The following RITA1 variants were observed in gnomAD, a reference collection of about 807,000 sequenced individuals.
The protein encoded by RITA1 is RBPJ-interacting and tubulin-associated protein 1.
RITA1 carries 15 observed loss-of-function variants against 8.7 expected under a neutral mutation model. The ratio of observed to expected loss-of-function variants is 1.72; its 90% CI spans 1.15 to 2.65. RITA1 has a LOEUF of 2.65. RITA1 is among the 30% of genes most tolerant of loss of function. The pLI, the probability that RITA1 is intolerant of heterozygous loss-of-function variation, is 0.00. For missense variants in RITA1, 330 were observed against 363.8 expected, an observed-to-expected ratio of 0.91 and a Z score of 0.76; for synonymous variants, 145 against 156.2, an observed-to-expected ratio of 0.93 and a Z score of 0.53.
Position 113,185,742 on chromosome 12 carries a change from G to GT in RITA1, c.-474dup. The stretch of plus-strand genomic sequence containing the variant: ...CCGCAGTGCTGCTGGCTGCTCCCTG[G>GT]TTGCTGGGTGCAAAGTGCTGGGTTC... On this transcript the variant is annotated 5_prime_UTR_variant, in exon 1 of 4. Coordinates refer to ENST00000548278, the MANE Select transcript of RITA1 (RefSeq NM_032848.3). 1.7e-6 allele frequency: 1 copy of GT among 574,852 alleles called. No individual in the cohort carries two copies. The highest frequency in any genetic ancestry group is 2.3e-5 in the South Asian group (1 of 42,554). 35.6% of individuals were successfully genotyped at this position (574,852 alleles called of 1,614,324 possible).
intron 3 of RITA1, among the ~76,000 whole-genome samples, chr12:113,190,509 T>C (rs900372885): frequency 6.6e-6 from 1 of 151,890 alleles, no homozygotes; most frequent in Non-Finnish European, 1.5e-5. Context: ...TTAGCTGGGC[T>C]TGGTGGCACT....
intron 3 of RITA1, among the ~76,000 whole-genome samples, chr12:113,188,527 C>T (rs550650000): frequency 1.3e-5 from 2 of 152,126 alleles, no homozygotes; most frequent in South Asian, 4.2e-4. Flanking sequence ...TTTATTTTGT[C>T]ACAGTCTGGA....
At chr12:113,187,767 A>AG (rs1952554846) in intron 3 of RITA1, among the ~76,000 whole-genome samples, 1 of 151,792 alleles carries the variant, frequency 6.6e-6, no homozygotes, top group South Asian at 2.1e-4. Context: ...CAAAAAAAAA[A>AG]AAAAAAAAAA....
At chr12:113,189,211 C>T (rs1245415404) in intron 3 of RITA1, among the ~76,000 whole-genome samples, 1 of 152,026 alleles carries the variant, frequency 6.6e-6, no homozygotes, top group East Asian at 1.9e-4. Flanking sequence ...CAATTCAGTC[C>T]ATAAGAACTG....
rs1952531614 is a variant in RITA1, at chr12:113,185,981, G to A, written c.-237G>A. On this transcript the variant is annotated 5_prime_UTR_variant, in exon 1 of 4. Coordinates refer to ENST00000548278, the MANE Select transcript of RITA1 (RefSeq NM_032848.3). ...CTGGTGGGAAGAAGGTGCGGGGACG[G>A]GTCCCTGAGGATCCCGATGCCTACG... The A allele has an allele frequency of 2.0e-6, 3 of 1,535,832 alleles. No homozygotes were observed. Among genetic ancestry groups the A allele is most frequent in the South Asian group, 1.2e-5 (1 of 84,056 alleles).
At position 113,186,677 on chromosome 12, in the gene RITA1, T is replaced by C; in HGVS notation, c.-64-6T>C. Reference sequence around the variant, plus strand: ...TCAGGGGTGCTACTCTGACCTCCTCTCACAGGGAGCCTCGGAAGCAGGGCC... The same window carrying C: ...TCAGGGGTGCTACTCTGACCTCCTCCCACAGGGAGCCTCGGAAGCAGGGCC... On this transcript the variant is annotated splice_polypyrimidine_tract_variant and splice_region_variant and intron_variant, in intron 2 of 3. Coordinates refer to ENST00000548278, the MANE Select transcript of RITA1 (RefSeq NM_032848.3). 1 of 1,582,490 alleles carries C rather than the reference T, an allele frequency of 6.3e-7. No homozygotes were observed. Among genetic ancestry groups the C allele is most frequent in the Non-Finnish European group, 8.6e-7 (1 of 1,160,350 alleles).
In RITA1 at chr12:113,185,876, C is replaced by T; in HGVS notation, c.-342C>T. The T allele has an allele frequency of 7.7e-7, 1 of 1,297,614 alleles. No homozygotes were observed. Among genetic ancestry groups the T allele is most frequent in the Non-Finnish European group, 1.0e-6 (1 of 953,150 alleles). The allele number at this position is 1,297,614 out of a possible 1,614,324, so 80.4% of individuals were successfully genotyped here. Reference sequence around the variant, plus strand: ...GGCCTAGGCTGCCGGGGGTCCGGGGCCCCAGGCATTCCGGGCTGCAGATTG... The same window carrying T: ...GGCCTAGGCTGCCGGGGGTCCGGGGTCCCAGGCATTCCGGGCTGCAGATTG... On this transcript the variant is annotated 5_prime_UTR_variant, in exon 1 of 4. Coordinates refer to ENST00000548278, the MANE Select transcript of RITA1 (RefSeq NM_032848.3).
rs1208697312 is a variant in RITA1 at position 113,188,916 on chromosome 12, TCTC to T, written c.302+1871_302+1873del. Among the ~76,000 whole-genome samples, 5 of 143,936 alleles carry T rather than the reference TCTC, an allele frequency of 3.5e-5. No individual in the cohort carries two copies. In the East Asian group the frequency reaches 6.8e-4, roughly 20 times the overall value. 94.4% of individuals were successfully genotyped at this position (143,936 alleles called of 152,430 possible). The stretch of plus-strand genomic sequence containing the variant: ...GCCTCCACCTCCGGGTTCAAGGAAT[TCTC>T]CTGCCTCAGCCTCCCGAGTAGCTGG... On this transcript the variant is annotated intron_variant, in intron 3 of 3. Coordinates refer to ENST00000548278, the MANE Select transcript of RITA1 (RefSeq NM_032848.3).
Position 113,186,336 on chromosome 12 carries a change from T to C in RITA1, c.-65+20T>C. 5 of 1,378,982 alleles carry C rather than the reference T, an allele frequency of 3.6e-6. No individual in the cohort carries two copies. Among genetic ancestry groups the C allele is most frequent in the Non-Finnish European group, 4.7e-6 (5 of 1,067,676 alleles). The allele number at this position is 1,378,982 out of a possible 1,614,324, so 85.4% of individuals were successfully genotyped here. ...CAGGAGGTAGGCATGGGATCCACGCTGGCTGTCATTGCCCCCACCCCCATC... is the reference window on the plus strand; with the variant it reads ...CAGGAGGTAGGCATGGGATCCACGCCGGCTGTCATTGCCCCCACCCCCATC... On this transcript the variant is annotated intron_variant, in intron 2 of 3. Transcript: ENST00000548278.
chr12:113,187,681 T>C (rs11066509), intron 3 of RITA1, among the ~76,000 whole-genome samples: 102,183 of 147,564 alleles, frequency 0.69, 36,157 homozygotes, highest in African/African-American at 0.83. Context: ...CACTTGAGCC[T>C]AGGAGGCAGA....
chr12:113,186,036 C>G lies in RITA1; in HGVS notation c.-197+15C>G. On this transcript the variant is annotated intron_variant, in intron 1 of 3. Transcript: ENST00000548278. ...AAGATGCTCAGGTAGGAGAACAACC[C>G]AAAAATGCAGGGACCTCGGGCACTT... is the stretch of plus-strand genomic sequence containing the variant. 1 of 1,536,036 alleles carries G rather than the reference C, an allele frequency of 6.5e-7. No individual in the cohort carries two copies. The highest frequency in any genetic ancestry group is 1.2e-5 in the South Asian group (1 of 84,050).
chr12:113,186,367 A>G (rs1367969379), intron 2 of RITA1, 51 bp downstream of exon 2: 1 of 1,369,680 alleles, frequency 7.3e-7, no homozygotes. Context: ...CCATCAGTAC[A>G]CATAGGAAAG....
rs2136335910 is a variant in RITA1, at chr12:113,191,023, C to T, written c.303-287C>T. Among the ~76,000 whole-genome samples the T allele has an allele frequency of 6.6e-6, 1 of 152,260 alleles. No individual in the cohort carries two copies. ...CCATTCGTGAACCAATCCATGTGGC[C>T]AGGAGGATGGAATATGCAAATTGTC... On this transcript the variant is annotated intron_variant, in intron 3 of 3. Coordinates refer to ENST00000548278, the MANE Select transcript of RITA1 (RefSeq NM_032848.3). This position sits in a 1 kb window ranked among gnomAD's most constrained non-coding sequence, Gnocchi z 4.0.
In RITA1 at chr12:113,191,205, G is replaced by A. The variant is rs1401006324; in HGVS notation, c.303-105G>A. On this transcript the variant is annotated intron_variant, in intron 3 of 3. Coordinates refer to ENST00000548278, the MANE Select transcript of RITA1 (RefSeq NM_032848.3). This position sits in a 1 kb window ranked among gnomAD's most constrained non-coding sequence, Gnocchi z 4.0. Reference sequence around the variant, plus strand: ...AGACAAGGACTCCTGGGATCTGCAGGCAACCCTCCTCTGCTGCTGCCATCC... The same window carrying A: ...AGACAAGGACTCCTGGGATCTGCAGACAACCCTCCTCTGCTGCTGCCATCC... The A allele has an allele frequency of 7.1e-6, 10 of 1,409,750 alleles. No homozygotes were observed. The highest frequency in any genetic ancestry group is 1.5e-5 in the South Asian group (1 of 65,640). The allele number at this position is 1,409,750 out of a possible 1,614,324, so 87.3% of individuals were successfully genotyped here. A position where few individuals can be genotyped will look rare whatever the true frequency, so the allele number is the denominator to read the frequency against.
Position 113,185,871 on chromosome 12 carries a change from C to T in RITA1, c.-347C>T, listed in dbSNP as rs989996732. ...GGGACGGCCTAGGCTGCCGGGGGTC[C>T]GGGGCCCCAGGCATTCCGGGCTGCA... On this transcript the variant is annotated 5_prime_UTR_variant, in exon 1 of 4. Coordinates refer to ENST00000548278, the MANE Select transcript of RITA1 (RefSeq NM_032848.3). The T allele has an allele frequency of 2.1e-5, 26 of 1,242,486 alleles. No homozygotes were observed. The highest frequency in any genetic ancestry group is 2.9e-5 in the Non-Finnish European group (26 of 909,522). The allele number at this position is 1,242,486 out of a possible 1,614,324, so 77.0% of individuals were successfully genotyped here.
At position 113,187,060 on chromosome 12, in the gene RITA1, G is replaced by A; in HGVS notation, c.302+12G>A. 1 of 1,544,406 alleles carries A rather than the reference G, an allele frequency of 6.5e-7. No individual in the cohort carries two copies. The highest frequency in any genetic ancestry group is 1.2e-5 in the South Asian group (1 of 82,282). ...AAGAACAAATACAGGTAATGGGGTA[G>A]GGAGATGCAAATCCTGTACTCAGTG... is the stretch of plus-strand genomic sequence containing the variant. On this transcript the variant is annotated intron_variant, in intron 3 of 3. Coordinates refer to ENST00000548278, the MANE Select transcript of RITA1 (RefSeq NM_032848.3).
At chr12:113,188,151 C>T (rs1409849510) in intron 3 of RITA1, among the ~76,000 whole-genome samples, 1 of 151,742 alleles carries the variant, frequency 6.6e-6, no homozygotes, top group Non-Finnish European at 1.5e-5. Context: ...CGGGTTCAAG[C>T]GACTCTCCTG....
chr12:113,188,153 A>ACTCTC (rs2136334115), intron 3 of RITA1, among the ~76,000 whole-genome samples: 1 of 147,610 alleles, frequency 6.8e-6, no homozygotes, highest in Admixed American at 6.8e-5. Flanking sequence ...GGTTCAAGCG[A>ACTCTC]CTCTCCTGCC....
chr12:113,186,833 C>T lies in RITA1; in HGVS notation c.87C>T (p.Ala29=), dbSNP rs1952543225. ...HRCRGGYRVK[A]RTSYVDETLF... ...GCCGAGGTGGCTACCGGGTCAAGGC[C>T]AGGACGTCATATGTGGATGAGACTC... Residue 29 remains alanine, a synonymous_variant, in exon 3 of 4, where the codon GCC becomes GCT. Coordinates refer to ENST00000548278, the MANE Select transcript of RITA1 (RefSeq NM_032848.3). The T allele has an allele frequency of 1.9e-6, 3 of 1,614,016 alleles. No homozygotes were observed. The highest frequency in any genetic ancestry group is 2.5e-6 in the Non-Finnish European group (3 of 1,180,008).
Sources: gnomAD v4.1 joint callset for allele counts (sites outside exome capture counted in the v4.1 genomes callset) on GRCh38, gnomAD v4.1.1 for gene constraint, Gnocchi (gnomAD v3.1) non-coding constraint, MANE v1.5 for transcripts, NCBI Gene and HGNC (gene_info 2026-07-23, HGNC 2026-07-21) for gene names.